The following ZBED6 variants were observed in gnomAD, a reference collection of about 807,000 sequenced individuals.
ZBED6 encodes zinc finger BED domain-containing protein 6.
A neutral mutation model predicts 58.4 loss-of-function variants in ZBED6; 40 were observed. That is an observed-to-expected ratio of 0.68 (90% CI 0.53 to 0.89). The LOEUF (loss-of-function observed/expected upper bound fraction) is 0.89, where lower values mean the gene tolerates loss of function less well. Among genes scored for constraint, ZBED6 ranks in the 40% least tolerant of loss-of-function variants. The probability of loss-of-function intolerance (pLI) is 0.00; values close to 1 mark genes in which losing one functional copy is unlikely to be tolerated. For missense variants in ZBED6, 1,057 were observed against 1,003.9 expected, an observed-to-expected ratio of 1.05 and a Z score of -0.71; for synonymous variants, 439 against 350.6, an observed-to-expected ratio of 1.25 and a Z score of -2.82.
intron 11 of ZBED6, among the ~76,000 whole-genome samples, chr1:203,841,322 C>T (rs1165139607): frequency 6.6e-6 from 1 of 151,986 alleles, no homozygotes; most frequent in Non-Finnish European, 1.5e-5. Flanking sequence ...GTGTTTGTGT[C>T]CCTGGGTACT....
At chr1:203,842,414 C>T (rs974327263) in intron 11 of ZBED6, among the ~76,000 whole-genome samples, 4 of 152,162 alleles carry the variant, frequency 2.6e-5, no homozygotes, top group East Asian at 1.9e-4. Context: ...CCGGCCAACA[C>T]GGCGAAACCC....
chr1:203,809,179 T>TG (rs1447226965), intron 1 of ZBED6, among the ~76,000 whole-genome samples: 1 of 139,266 alleles, frequency 7.2e-6, no homozygotes, highest in East Asian at 2.1e-4. Context: ...ACTGTTTTTT[T>TG]TTTTTTTTTT....
intron 11 of ZBED6, among the ~76,000 whole-genome samples, chr1:203,841,565 A>T (rs543029763): frequency 5.6e-4 from 85 of 151,576 alleles, no homozygotes; most frequent in African/African-American, 1.9e-3. Context: ...TTCTACACAG[A>T]CACAGTAACA....
In ZBED6 at chr1:203,818,072, T is replaced by A. The variant is rs1676965311; in HGVS notation, c.*2754-498T>A. ...ATATTATGTTTTAAATGATGAGTTT[T>A]GAGCAAAGCTGTGATAATTTTATCT... On this transcript the variant is annotated intron_variant, in intron 2 of 16. Transcript: ENST00000550078. Among the ~76,000 whole-genome samples the A allele has an allele frequency of 2.0e-5, 3 of 152,256 alleles. No homozygotes were observed. In the South Asian group the frequency reaches 6.2e-4, roughly 32 times the overall value.
In ZBED6 at chr1:203,800,087, CA is replaced by C; in HGVS notation, c.2569del (p.Ser857AlafsTer8). 5 of 1,536,090 alleles carry C rather than the reference CA, an allele frequency of 3.3e-6. No homozygotes were observed. The highest frequency in any genetic ancestry group is 3.5e-6 in the Non-Finnish European group (4 of 1,146,888). On this transcript the variant is annotated frameshift_variant, in exon 1 of 17. Coordinates refer to ENST00000550078, the Ensembl canonical transcript of ZBED6. LOFTEE classifies it high-confidence loss of function. ...CTGTAGACAATGTTGCCCTTGGAAG[CA>C]AAAGCTTCATGTTCCCTTCTGCTGT...
At position 203,824,138 on chromosome 1, in the gene ZBED6, C is replaced by T. The variant is rs185473617; in HGVS notation, c.*2874-4161C>T. On this transcript the variant is annotated intron_variant, in intron 3 of 16. Transcript: ENST00000550078. ...CAAAAATTAGTCGGGCGTGGTGACG[C>T]AGCCATGTAGTCCCAGCTACTCAGG... 8.8e-4 allele frequency among the ~76,000 whole-genome samples: 134 copies of T among 152,058 alleles called. 1 individual carries two copies. The highest frequency in any genetic ancestry group is 1.8e-3 in the Admixed American group (27 of 15,266).
chr1:203,833,683 T>G, intron 8 of ZBED6, 108 bp from the exon 9 acceptor site: 1 of 777,312 alleles, frequency 1.3e-6, no homozygotes, highest in East Asian at 3.4e-5. Context: ...TCAAGAGACT[T>G]TCTGGGTGGA....
At chr1:203,821,660 C>T (rs1171767077) in intron 3 of ZBED6, among the ~76,000 whole-genome samples, 1 of 152,066 alleles carries the variant, frequency 6.6e-6, no homozygotes, top group South Asian at 2.1e-4. Context: ...TTGGGCTGCT[C>T]CTAGAGTGTC....
rs1451077890 is a variant in ZBED6, at chr1:203,799,959, C to G, written c.2437C>G (p.Pro813Ala). The G allele has an allele frequency of 6.5e-7, 1 of 1,536,116 alleles. No individual in the cohort carries two copies. The highest frequency in any genetic ancestry group is 2.0e-5 in the Admixed American group (1 of 50,992). The change falls in exon 1 of 17, where the codon CCA becomes GCA. Residue 813 changes from proline to alanine, a missense_variant. Transcript: ENST00000550078. Reference sequence around the variant, plus strand: ...ATCTTCACCAGAGATCTGCCAAATTCCAACTTCAGAAGCTTCTTGTCCCTC... The same window carrying G: ...ATCTTCACCAGAGATCTGCCAAATTGCAACTTCAGAAGCTTCTTGTCCCTC...
chr1:203,813,852 C>G (rs1675331699), intron 1 of ZBED6, among the ~76,000 whole-genome samples: 1 of 152,054 alleles, frequency 6.6e-6, no homozygotes, highest in Non-Finnish European at 1.5e-5. Flanking sequence ...ATGTCTGTCT[C>G]TTTCATTTTA....
chr1:203,831,936 A>G (rs527301725), intron 8 of ZBED6, among the ~76,000 whole-genome samples, 165 bp downstream of exon 8: 1 of 152,372 alleles, frequency 6.6e-6, no homozygotes, highest in Non-Finnish European at 1.5e-5. Context: ...TCTAATATTT[A>G]AAAGGTTGAA....
chr1:203,800,049 G>T, exon 1 of ZBED6: 1 of 1,536,090 alleles, frequency 6.5e-7, no homozygotes, highest in Non-Finnish European at 8.7e-7. Context: ...TTCAGGTTCT[G>T]TTGATAGCTC....
exon 1 of ZBED6, chr1:203,797,604 C>T (rs1360141166): frequency 6.5e-7 from 1 of 1,535,214 alleles, no homozygotes; most frequent in South Asian, 1.2e-5. Context: ...TTCTGGGATT[C>T]TGGGATGTGT....
exon 13 of ZBED6, chr1:203,848,332 G>A (rs1688436904): frequency 6.2e-7 from 1 of 1,612,258 alleles, no homozygotes; most frequent in African/African-American, 1.3e-5. Flanking sequence ...TGAATACAGG[G>A]ATGAAAGAAG....
At chr1:203,818,484 T>C in intron 2 of ZBED6, 86 bp from the exon 3 acceptor site, 1 of 1,573,434 alleles carries the variant, frequency 6.4e-7, no homozygotes, top group Non-Finnish European at 8.7e-7. Context: ...TTTGTGCTTG[T>C]CTAAATTCCA....
rs1038989425 is a variant in ZBED6, at chr1:203,850,699, T to C, written c.*4805+18T>C. 3 of 1,608,678 alleles carry C rather than the reference T, an allele frequency of 1.9e-6. No individual in the cohort carries two copies. In the African/African-American group the frequency reaches 4.0e-5, roughly 22 times the overall value. On this transcript the variant is annotated intron_variant, in intron 15 of 16. Coordinates refer to ENST00000550078, the Ensembl canonical transcript of ZBED6. ...CAGCTGTGGTAAGAAGTATATTCACTTTGTGGTGCTTTATTCTGTGTGGTA... is the reference window on the plus strand; with the variant it reads ...CAGCTGTGGTAAGAAGTATATTCACCTTGTGGTGCTTTATTCTGTGTGGTA...
chr1:203,807,323 T>C (rs1288389445), intron 1 of ZBED6, among the ~76,000 whole-genome samples: 1 of 152,234 alleles, frequency 6.6e-6, no homozygotes, highest in Non-Finnish European at 1.5e-5. Flanking sequence ...TCTTGCTCTT[T>C]TGCCCAGGTT....
chr1:203,809,860 A>C (rs1673734953), intron 1 of ZBED6, among the ~76,000 whole-genome samples: 1 of 152,180 alleles, frequency 6.6e-6, no homozygotes, highest in Non-Finnish European at 1.5e-5. Context: ...AGGGTGAGGC[A>C]GGAGAATTGC....
Position 203,818,115 on chromosome 1 carries a change from A to T in ZBED6, c.*2754-455A>T, listed in dbSNP as rs559670639. The stretch of plus-strand genomic sequence containing the variant: ...TTTTATCTTACCTATAGCAGTTTGC[A>T]CAACAGTAGCGTTTTATTTCAGATA... On this transcript the variant is annotated intron_variant, in intron 2 of 16. Transcript: ENST00000550078. Among the ~76,000 whole-genome samples the T allele has an allele frequency of 1.9e-3, 288 of 152,252 alleles. 5 individuals are homozygous for T. The highest frequency in any genetic ancestry group is 1.5e-3 in the Non-Finnish European group (103 of 67,992).
Sources: gnomAD v4.1 joint callset for allele counts (sites outside exome capture counted in the v4.1 genomes callset) on GRCh38, gnomAD v4.1.1 for gene constraint, MANE v1.5 for transcripts, NCBI Gene and HGNC (gene_info 2026-07-23, HGNC 2026-07-21) for gene names.